MYO7B: variants seen among roughly 807,000 people sequenced by gnomAD.
The protein encoded by MYO7B is unconventional myosin-VIIb.
MYO7B carries 212 observed loss-of-function variants against 259.7 expected under a neutral mutation model. The observed-to-expected ratio is 0.82, with a 90% CI of 0.73 to 0.91. The LOEUF is 0.91. Ranked by LOEUF, MYO7B falls within the 40% of genes least tolerant of loss-of-function variation. The pLI is 0.00. For missense variants in MYO7B, 2,732 were observed against 2,813.5 expected (o/e 0.97, Z 0.66); for synonymous variants, 1,197 against 1,166.4 (o/e 1.03, Z -0.54).
chr2:127,631,349 G>C lies in MYO7B; in HGVS notation c.5081G>C (p.Cys1694Ser). Residue 1694 changes from cysteine to serine, a missense_variant, in exon 37 of 48, where the codon TGC (cysteine) becomes TCC (serine). By Grantham distance (112) the Cys-to-Ser change is moderately radical (BLOSUM62 -1). Transcript: ENST00000409816. Reference sequence around the variant, plus strand: ...AACGTCGACCTCTGGGACATCGCCTGCCAGATCTTTGTCGATATCCTTCCC... The same window carrying C: ...AACGTCGACCTCTGGGACATCGCCTCCCAGATCTTTGTCGATATCCTTCCC... Reference protein sequence around the residue: ...HANVDLWDIACQIFVAILRYM... With the variant: ...HANVDLWDIASQIFVAILRYM... The C allele has an allele frequency of 6.2e-7, 1 of 1,608,488 alleles. No individual in the cohort carries two copies. Among genetic ancestry groups the C allele is most frequent in the Non-Finnish European group, 8.5e-7 (1 of 1,176,390 alleles).
At chr2:127,556,838 A>G (rs1397238057) in intron 1 of MYO7B, among the ~76,000 whole-genome samples, 2 of 152,088 alleles carry the variant, frequency 1.3e-5, no homozygotes, top group Non-Finnish European at 2.9e-5. Flanking sequence ...CTTTGTCTTG[A>G]CTTTAGATAA....
chr2:127,538,270 G>C (rs1035314540), intron 1 of MYO7B, among the ~76,000 whole-genome samples: 13 of 152,118 alleles, frequency 8.5e-5, no homozygotes, highest in African/African-American at 2.9e-4. Flanking sequence ...TACGGTTGAG[G>C]GGGGTGGTAA....
At chr2:127,634,480 G>A (rs935889923) in intron 41 of MYO7B, 116 bp from the exon 42 acceptor site, 1 of 982,304 alleles carries the variant, frequency 1.0e-6, no homozygotes, top group Non-Finnish European at 1.6e-6. Context: ...CCCACGCACA[G>A]CCGACTCCAG....
At position 127,626,587 on chromosome 2, in the gene MYO7B, C is replaced by T. The variant is rs371166172; in HGVS notation, c.4216-388C>T. ...TCTGAGGTCAGGAGTTTGAGACCAG[C>T]CTGGCCAAGGTGGCAAGACCCCCTC... On this transcript the variant is annotated intron_variant, in intron 31 of 47. Transcript: ENST00000409816. 11 of 176,042 alleles carry T rather than the reference C, an allele frequency of 6.2e-5. No homozygotes were observed. The South Asian group carries it at 1.4e-3, about 22-fold the overall frequency. The allele number at this position is 176,042 out of a possible 1,614,324, so 10.9% of individuals were successfully genotyped here.
rs200719203 is a variant in MYO7B, at chr2:127,609,948, C to G, written c.3124C>G (p.Arg1042Gly). 6 of 1,607,546 alleles carry G rather than the reference C, an allele frequency of 3.7e-6. No individual in the cohort carries two copies. Among genetic ancestry groups the G allele is most frequent in the Non-Finnish European group, 5.1e-6 (6 of 1,176,996 alleles). ...RSSQQGSSVMRQIHDTLGREH... is the reference protein window; with the variant it reads ...RSSQQGSSVMGQIHDTLGREH... ...CAGCCAGCAGGGCAGCTCAGTGATG[C>G]GGCAGATCCATGACACGCTGGGCAG... Residue 1042 changes from arginine (R) to glycine (G), a missense_variant, in exon 24 of 48, where the codon CGG (arginine) becomes GGG (glycine). Arg to Gly is a moderately radical substitution (Grantham distance 125, BLOSUM62 -2). Coordinates refer to ENST00000409816, the MANE Select transcript of MYO7B (RefSeq NM_001393586.1). This position sits in a 1 kb window ranked among gnomAD's most constrained non-coding sequence, Gnocchi z 6.9.
Position 127,582,478 on chromosome 2 carries a change from T to G in MYO7B, c.1343+32T>G, listed in dbSNP as rs1391407374. 1.9e-6 allele frequency: 3 copies of G among 1,607,776 alleles called. No homozygotes were observed. The South Asian group carries it at 3.3e-5, about 18-fold the overall frequency. On this transcript the variant is annotated intron_variant, in intron 12 of 47. Coordinates refer to ENST00000409816, the MANE Select transcript of MYO7B (RefSeq NM_001393586.1). ...AGATCTCAGATCCCAGCCCCACTGC[T>G]TCCAGAAAACAGAAGATAAGCAGCT...
In MYO7B at chr2:127,588,419, T is replaced by C; in HGVS notation, c.1718T>C (p.Leu573Pro). ...EGFLEKNRDV[L>P]STDILTLVYS... ...TTCCTGGAGAAGAACCGAGACGTGC[T>C]GAGCACAGATATCCTCACCCTGGTT... Residue 573 changes from leucine (L) to proline (P), a missense_variant, in exon 15 of 48, where the codon CTG becomes CCG. Leu to Pro is a moderately conservative substitution (Grantham distance 98, BLOSUM62 -3). Around this residue, in one of 3 missense-constraint regions of MYO7B, gnomAD observed 1,906 missense variants for 2,026.4 expected, o/e 0.94. Coordinates refer to ENST00000409816, the MANE Select transcript of MYO7B (RefSeq NM_001393586.1). 6.2e-7 allele frequency: 1 copy of C among 1,613,058 alleles called. No homozygotes were observed. Among genetic ancestry groups the C allele is most frequent in the Non-Finnish European group, 8.5e-7 (1 of 1,179,832 alleles).
chr2:127,614,337 G>A lies in MYO7B; in HGVS notation c.3398+1734G>A, dbSNP rs1680493855. On this transcript the variant is annotated intron_variant, in intron 26 of 47. Coordinates refer to ENST00000409816, the MANE Select transcript of MYO7B (RefSeq NM_001393586.1). The surrounding 1 kb of genome is among the most constrained non-coding windows in gnomAD (Gnocchi z 4.6). ...TAGAAAATGGGCTGCCTGCTTGTGTGGGATCCCATCTAGATGCCTGAAGCT... is the reference window on the plus strand; with the variant it reads ...TAGAAAATGGGCTGCCTGCTTGTGTAGGATCCCATCTAGATGCCTGAAGCT... 2.0e-5 allele frequency among the ~76,000 whole-genome samples: 3 copies of A among 152,040 alleles called. No individual in the cohort carries two copies. In the South Asian group the frequency reaches 6.2e-4, roughly 32 times the overall value.
At chr2:127,592,736 A>AG (rs1257454763) in intron 16 of MYO7B, 58 bp from the exon 17 acceptor site, 1 of 1,563,698 alleles carries the variant, frequency 6.4e-7, no homozygotes, top group Non-Finnish European at 8.7e-7. Flanking sequence ...GGTGCCGGGA[A>AG]GGGGGGTGGC....
Position 127,636,228 on chromosome 2 carries a change from C to A in MYO7B, c.6027C>A (p.Asp2009Glu). The part of the protein sequence containing the change: ...EWKKSILLAY[D>E]KHKDKTVEEA... ...CCCAGAGCATCCTTCTAGCCTATGA[C>A]AAGCATAAGGACAAGACAGTGGAGG... Residue 2009 changes from aspartate (D) to glutamate (E), a missense_variant, in exon 45 of 48, where the codon GAC becomes GAA. Physicochemically the swap from Asp to Glu is conservative, Grantham distance 45 (BLOSUM62 2). Coordinates refer to ENST00000409816, the MANE Select transcript of MYO7B (RefSeq NM_001393586.1). The surrounding 1 kb of genome is among the most constrained non-coding windows in gnomAD (Gnocchi z 4.5). 1 of 1,613,270 alleles carries A rather than the reference C, an allele frequency of 6.2e-7. No homozygotes were observed. The highest frequency in any genetic ancestry group is 8.5e-7 in the Non-Finnish European group (1 of 1,179,548).
At position 127,607,092 on chromosome 2, in the gene MYO7B, C is replaced by A; in HGVS notation, c.2425-114C>A. On this transcript the variant is annotated intron_variant, in intron 20 of 47. Coordinates refer to ENST00000409816, the MANE Select transcript of MYO7B (RefSeq NM_001393586.1). This position sits in a 1 kb window ranked among gnomAD's most constrained non-coding sequence, Gnocchi z 4.4. The stretch of plus-strand genomic sequence containing the variant: ...GTACCATTCTAGCACCGGCCCTTTG[C>A]CAAAACAAAACTAACTGTAAATCTA... 1.9e-6 allele frequency: 2 copies of A among 1,054,604 alleles called. No individual in the cohort carries two copies. The highest frequency in any genetic ancestry group is 2.7e-6 in the Non-Finnish European group (2 of 736,164). The allele number at this position is 1,054,604 out of a possible 1,614,324, so 65.3% of individuals were successfully genotyped here.
chr2:127,635,342 C>A (rs1681744915), intron 43 of MYO7B, 116 bp downstream of exon 43: 3 of 995,176 alleles, frequency 3.0e-6, no homozygotes, highest in Non-Finnish European at 4.5e-6. Context: ...TGGGTACCAG[C>A]CCATGTGGTA....
intron 1 of MYO7B, among the ~76,000 whole-genome samples, chr2:127,542,157 G>A (rs1365177912): frequency 6.6e-6 from 1 of 152,232 alleles, no homozygotes; most frequent in Non-Finnish European, 1.5e-5. Flanking sequence ...GCTATTCATG[G>A]GAAGGGTATC....
chr2:127,571,441 A>ATTTTTTTTTTTTTTTTTTT (rs1678601958), intron 6 of MYO7B, among the ~76,000 whole-genome samples: 1 of 17,602 alleles, frequency 5.7e-5, no homozygotes, highest in Admixed American at 6.6e-4. Context: ...CTTACCAGTG[A>ATTTTTTTTTTTTTTTTTTT]GTTTTTTTTT....
chr2:127,559,616 G>A lies in MYO7B; in HGVS notation c.-23-84G>A. On this transcript the variant is annotated intron_variant, in intron 1 of 47. Transcript: ENST00000409816. This position sits in a 1 kb window ranked among gnomAD's most constrained non-coding sequence, Gnocchi z 4.1. ...ATGCCGGGCACTTAGGGAAGTGTTG[G>A]TGAACAAGCCCAGCTCCTGTGCTCC... 7.6e-7 allele frequency: 1 copy of A among 1,314,166 alleles called. No individual in the cohort carries two copies. Among genetic ancestry groups the A allele is most frequent in the Non-Finnish European group, 1.1e-6 (1 of 910,410 alleles). The allele number at this position is 1,314,166 out of a possible 1,614,324, so 81.4% of individuals were successfully genotyped here.
In MYO7B at chr2:127,615,852, C is replaced by G. The variant is rs191826949; in HGVS notation, c.3398+3249C>G. 6.6e-6 allele frequency among the ~76,000 whole-genome samples: 1 copy of G among 152,118 alleles called. No homozygotes were observed. The highest frequency in any genetic ancestry group is 1.5e-5 in the Non-Finnish European group (1 of 68,042). On this transcript the variant is annotated intron_variant, in intron 26 of 47. Coordinates refer to ENST00000409816, the MANE Select transcript of MYO7B (RefSeq NM_001393586.1). This position sits in a 1 kb window ranked among gnomAD's most constrained non-coding sequence, Gnocchi z 4.4. ...TTAATTGCCAGTTGGTGGTTTGTTC[C>G]GTCTTCGCATTCAGCTGGTACTGGG...
At chr2:127,542,198 C>T (rs1425748922) in intron 1 of MYO7B, among the ~76,000 whole-genome samples, 1 of 152,224 alleles carries the variant, frequency 6.6e-6, no homozygotes, top group African/African-American at 2.4e-5. Flanking sequence ...GCTGAGCTGT[C>T]CTGTGGGTGT....
Position 127,628,038 on chromosome 2 carries a change from T to TC in MYO7B, c.4461-333dup, listed in dbSNP as rs1336603922. 1 of 527,398 alleles carries TC rather than the reference T, an allele frequency of 1.9e-6. No homozygotes were observed. Among genetic ancestry groups the TC allele is most frequent in the Non-Finnish European group, 3.7e-6 (1 of 273,372 alleles). 32.7% of individuals were successfully genotyped at this position (527,398 alleles called of 1,614,324 possible). On this transcript the variant is annotated intron_variant, in intron 33 of 47. Transcript: ENST00000409816. The surrounding 1 kb of genome is among the most constrained non-coding windows in gnomAD (Gnocchi z 4.8). The stretch of plus-strand genomic sequence containing the variant: ...CTGAAGCACGCCGAGGTTAGGTGGC[T>TC]CAGAGTAAGCACATGGCAGAGCCGG...
At chr2:127,565,208 G>T in intron 3 of MYO7B, 25 bp from the exon 4 acceptor site, 2 of 1,607,818 alleles carry the variant, frequency 1.2e-6, no homozygotes, top group East Asian at 2.2e-5. Context: ...CCACCCCTCA[G>T]GGGAGTCTGC....
Sources: allele counts gnomAD v4.1 joint callset (sites outside exome capture counted in the v4.1 genomes callset), GRCh38; gene constraint gnomAD v4.1.1; regional missense constraint gnomAD v4.1.1; non-coding constraint Gnocchi (gnomAD v3.1); transcripts MANE v1.5; gene names NCBI Gene and HGNC (gene_info 2026-07-23, HGNC 2026-07-21).